TEDC2: variants seen among roughly 807,000 people sequenced by gnomAD.
The protein encoded by TEDC2 is tubulin epsilon and delta complex 2, also known as tubulin epsilon and delta complex protein 2.
TEDC2 carries 49 observed loss-of-function variants against 48.1 expected under a neutral mutation model. The observed-to-expected ratio is 1.02, with a 90% CI of 0.81 to 1.29. TEDC2 has a LOEUF of 1.29. Ranked by LOEUF, TEDC2 falls within the 50% of genes most tolerant of loss-of-function variation. The probability of loss-of-function intolerance (pLI) is 0.00; values close to 1 mark genes in which losing one functional copy is unlikely to be tolerated. For synonymous variants in TEDC2, 299 were observed against 247.1 expected, an observed-to-expected ratio of 1.21 and a Z score of -1.97; for missense variants, 631 against 571.4, an observed-to-expected ratio of 1.10 and a Z score of -1.06.
intron 9 of TEDC2, 82 bp downstream of exon 9, chr16:2,464,311 CCCCAGGA>C: frequency 6.6e-7 from 1 of 1,504,092 alleles, no homozygotes; most frequent in South Asian, 1.2e-5. Context: ...CTGCTCCACC[CCCCAGGA>C]CCCAGGAGGA....
intron 8 of TEDC2, among the ~76,000 whole-genome samples, chr16:2,463,003 G>A (rs1213382279): frequency 2.0e-5 from 3 of 152,224 alleles, no homozygotes; most frequent in Non-Finnish European, 4.4e-5. Flanking sequence ...CTGAGCAGTT[G>A]CTTATTCACC....
At position 2,460,626 on chromosome 16, in the gene TEDC2, A is replaced by C; in HGVS notation, c.129A>C (p.Glu43Asp). 6.2e-7 allele frequency: 1 copy of C among 1,612,888 alleles called. No individual in the cohort carries two copies. The highest frequency in any genetic ancestry group is 1.1e-5 in the South Asian group (1 of 91,082). ...RVCRRLLHAW[E>D]PTGTRALKPP... ...ACGGCTGCCCGTGTCTTTGCAGGGA[A>C]CCAACTGGGACCCGGGCTTTGAAGC... The change falls in exon 3 of 10, where the codon GAA becomes GAC. Residue 43 changes from glutamate to aspartate, a missense_variant. Coordinates refer to ENST00000361837, the MANE Select transcript of TEDC2 (RefSeq NM_025108.3).
At position 2,464,205 on chromosome 16, in the gene TEDC2, G is replaced by T. The variant is rs756958614; in HGVS notation, c.1131G>T (p.Leu377=). 108 of 1,611,914 alleles carry T rather than the reference G, an allele frequency of 6.7e-5. No individual in the cohort carries two copies. The East Asian group carries it at 2.4e-3, about 36-fold the overall frequency. Residue 377 remains leucine (L), a synonymous_variant, in exon 9 of 10, where the codon CTG becomes CTT. Coordinates refer to ENST00000361837, the MANE Select transcript of TEDC2 (RefSeq NM_025108.3). ...LAALKLRVAV[L]DQQIHLEKVL... is the part of the protein sequence containing the mutation. ...CCCTCAAGCTGCGAGTGGCTGTGCTGGACCAGCAGATCCACTTGGAAAAGG... is the reference window on the plus strand; with the variant it reads ...CCCTCAAGCTGCGAGTGGCTGTGCTTGACCAGCAGATCCACTTGGAAAAGG...
chr16:2,461,945 C>A, intron 5 of TEDC2, 145 bp downstream of exon 5: 1 of 1,221,566 alleles, frequency 8.2e-7, no homozygotes. Context: ...AATCTGCCAG[C>A]CGGTCAGCTT....
At chr16:2,461,725 T>C (rs1405224495) in intron 4 of TEDC2, 22 bp from the exon 5 acceptor site, 1 of 1,613,212 alleles carries the variant, frequency 6.2e-7, no homozygotes, top group East Asian at 2.2e-5. Flanking sequence ...GATGCTCCTC[T>C]GAACACGGGC....
At chr16:2,463,932 C>G (rs756422535) in intron 8 of TEDC2, 107 bp from the exon 9 acceptor site, 18 of 1,262,408 alleles carry the variant, frequency 1.4e-5, no homozygotes, top group Non-Finnish European at 2.0e-5. Context: ...CACCTTTCTC[C>G]TAAAGGCAGG....
intron 8 of TEDC2, among the ~76,000 whole-genome samples, chr16:2,462,955 C>A (rs1567396027): frequency 6.6e-6 from 1 of 152,232 alleles, no homozygotes; most frequent in African/African-American, 2.4e-5. Flanking sequence ...GGGCAGCTCT[C>A]CCACCTCGCT....
In TEDC2 at chr16:2,461,244, A is replaced by C. The variant is rs769550449; in HGVS notation, c.605+20A>C. The C allele has an allele frequency of 1.6e-5, 23 of 1,444,690 alleles. No homozygotes were observed. Among genetic ancestry groups the C allele is most frequent in the Non-Finnish European group, 2.0e-5 (22 of 1,095,686 alleles). 89.5% of individuals were successfully genotyped at this position (1,444,690 alleles called of 1,614,324 possible). ...GAAGGGGTAGGTTTCCCGGACCCTCACTGGAGGGACTTCTGTCTCTGCCTC... is the reference window on the plus strand; with the variant it reads ...GAAGGGGTAGGTTTCCCGGACCCTCCCTGGAGGGACTTCTGTCTCTGCCTC... On this transcript the variant is annotated intron_variant, in intron 4 of 9. Transcript: ENST00000361837.
At chr16:2,462,325 G>A (rs1439645430) in intron 6 of TEDC2, 86 bp downstream of exon 6, 19 of 1,599,306 alleles carry the variant, frequency 1.2e-5, no homozygotes, top group East Asian at 8.9e-5. Context: ...AGGGGCTGGC[G>A]TGGGATGGCC....
intron 7 of TEDC2, 24 bp downstream of exon 7, chr16:2,462,550 C>A: frequency 6.3e-7 from 1 of 1,579,306 alleles, no homozygotes; most frequent in South Asian, 1.2e-5. Context: ...GGGTCTGTAT[C>A]AGGAGGAGTG....
At position 2,462,400 on chromosome 16, in the gene TEDC2, C is replaced by T. The variant is rs2065472237; in HGVS notation, c.751-15C>T. 1 of 1,611,684 alleles carries T rather than the reference C, an allele frequency of 6.2e-7. No individual in the cohort carries two copies. Among genetic ancestry groups the T allele is most frequent in the African/African-American group, 1.3e-5 (1 of 74,890 alleles). On this transcript the variant is annotated splice_polypyrimidine_tract_variant and intron_variant, in intron 6 of 9. Transcript: ENST00000361837. ...GGGCTTTGGCTGCAGGGAAGTTTTC[C>T]TGACCCATATCCAGTCAGGCGGGCC...
At position 2,464,078 on chromosome 16, in the gene TEDC2, G is replaced by A. The variant is rs1395104941; in HGVS notation, c.1004G>A (p.Arg335Lys). Reference protein sequence around the residue: ...EQPPRPCPVGRPPGASPSCGG... With the variant: ...EQPPRPCPVGKPPGASPSCGG... ...CCACCAAGACCATGTCCTGTGGGGA[G>A]GCCCCCCGGAGCCTCGCCGTCCTGT... The change falls in exon 9 of 10, where the codon AGG (arginine) becomes AAG (lysine). Residue 335 changes from arginine to lysine, a missense_variant. Coordinates refer to ENST00000361837, the MANE Select transcript of TEDC2 (RefSeq NM_025108.3). 2 of 1,612,856 alleles carry A rather than the reference G, an allele frequency of 1.2e-6. No homozygotes were observed. The highest frequency in any genetic ancestry group is 1.7e-6 in the Non-Finnish European group (2 of 1,179,982).
Position 2,460,980 on chromosome 16 carries a change from G to A in TEDC2, c.361G>A (p.Ala121Thr), listed in dbSNP as rs368548407. The A allele has an allele frequency of 3.5e-5, 57 of 1,613,156 alleles. No homozygotes were observed. The highest frequency in any genetic ancestry group is 4.5e-5 in the East Asian group (2 of 44,892). The part of the protein sequence containing the change: ...IVTSSGTTAS[A>T]PPHSPGQAGG... ...CACCTCTTCTGGCACGACAGCCTCCGCCCCACCGCATTCCCCAGGCCAAGC... is the reference window on the plus strand; with the variant it reads ...CACCTCTTCTGGCACGACAGCCTCCACCCCACCGCATTCCCCAGGCCAAGC... Residue 121 changes from alanine to threonine, a missense_variant, in exon 4 of 10, where the codon GCC (alanine) becomes ACC (threonine). Physicochemically the swap from Ala to Thr is moderately conservative, Grantham distance 58. Coordinates refer to ENST00000361837, the MANE Select transcript of TEDC2 (RefSeq NM_025108.3).
At chr16:2,462,112 CTG>C (rs1296293914) in intron 5 of TEDC2, 35 bp from the exon 6 acceptor site, 1 of 1,596,890 alleles carries the variant, frequency 6.3e-7, no homozygotes, top group Admixed American at 1.7e-5. Context: ...CCGTGTCCCT[CTG>C]TGGTTCCTCT....
chr16:2,460,789 T>C (rs1567394775), intron 3 of TEDC2, 27 bp from the exon 4 acceptor site: 13 of 1,610,564 alleles, frequency 8.1e-6, no homozygotes, highest in Non-Finnish European at 1.1e-5. Context: ...TGGGGAGAGA[T>C]CCCTGCATAA....
intron 5 of TEDC2, 57 bp from the exon 6 acceptor site, chr16:2,462,092 G>T: frequency 6.4e-7 from 1 of 1,572,012 alleles, no homozygotes; most frequent in Non-Finnish European, 8.7e-7. Context: ...CAGCTTACTG[G>T]CTGGAATAAC....
In TEDC2 at chr16:2,461,149, C is replaced by A. The variant is rs773112181; in HGVS notation, c.530C>A (p.Ala177Glu). The change falls in exon 4 of 10, where the codon GCG becomes GAG. Residue 177 changes from alanine (A) to glutamate (E), a missense_variant. Ala to Glu is a moderately radical substitution (Grantham distance 107). Coordinates refer to ENST00000361837, the MANE Select transcript of TEDC2 (RefSeq NM_025108.3). ...GMGARTPRPG[A>E]GLRDQQMAPS... ...GGAGCCCGAACCCCCAGGCCTGGGGCGGGCCTCAGGGACCAGCAAATGGCC... is the reference window on the plus strand; with the variant it reads ...GGAGCCCGAACCCCCAGGCCTGGGGAGGGCCTCAGGGACCAGCAAATGGCC... 2.0e-6 allele frequency: 3 copies of A among 1,536,874 alleles called. No homozygotes were observed. In the East Asian group the frequency reaches 6.8e-5, roughly 35 times the overall value.
At chr16:2,461,352 C>G (rs1223482706) in intron 4 of TEDC2, 128 bp downstream of exon 4, 1 of 1,239,862 alleles carries the variant, frequency 8.1e-7, no homozygotes, top group Non-Finnish European at 1.1e-6. Flanking sequence ...ACCCCTGAGG[C>G]TCATGCTCAG....
Position 2,464,851 on chromosome 16 carries a change from C to T in TEDC2, c.*183C>T. 1.2e-6 allele frequency: 1 copy of T among 826,110 alleles called. No homozygotes were observed. Among genetic ancestry groups the T allele is most frequent in the East Asian group, 2.8e-5 (1 of 36,268 alleles). The allele number at this position is 826,110 out of a possible 1,614,324, so 51.2% of individuals were successfully genotyped here. On this transcript the variant is annotated 3_prime_UTR_variant, in exon 10 of 10. Transcript: ENST00000361837. ...TGGTCAGGGCTGGCTTTCAGCCTTC[C>T]TAAGGCTCCTGGACTCCAGAGGCCA...
Sources: allele counts gnomAD v4.1 joint callset (sites outside exome capture counted in the v4.1 genomes callset), GRCh38; gene constraint gnomAD v4.1.1; transcripts MANE v1.5; gene names NCBI Gene and HGNC (gene_info 2026-07-23, HGNC 2026-07-21).